The following ADPGK variants were observed in gnomAD, a reference collection of about 807,000 sequenced individuals.
ADPGK encodes ADP-dependent glucokinase.
ADPGK carries 26 observed loss-of-function variants against 42.4 expected under a neutral mutation model. That is an observed-to-expected ratio of 0.61 (90% CI 0.45 to 0.85). The LOEUF (loss-of-function observed/expected upper bound fraction) is 0.85. ADPGK is among the 40% of genes least tolerant of loss of function. The probability of loss-of-function intolerance (pLI) is 0.00; values close to 1 mark genes in which losing one functional copy is unlikely to be tolerated. For synonymous variants in ADPGK, 267 were observed against 252.6 expected (o/e 1.06, Z -0.54); for missense variants, 571 against 627.0 (o/e 0.91, Z 0.95).
Position 72,751,543 on chromosome 15 carries a change from A to G in ADPGK, c.*798T>C, listed in dbSNP as rs2066045726. The G allele has an allele frequency of 6.5e-6, 1 of 152,672 alleles. No individual in the cohort carries two copies. Among genetic ancestry groups the G allele is most frequent in the South Asian group, 2.1e-4 (1 of 4,836 alleles). The allele number at this position is 152,672 out of a possible 1,614,324, so 9.5% of individuals were successfully genotyped here. A position where few individuals can be genotyped will look rare whatever the true frequency, so the allele number is the denominator to read the frequency against. The stretch of plus-strand genomic sequence containing the variant: ...ATGATCTGTTAACACACACAGGAGC[A>G]TATTCCAGTTGTAAAAAACAAATTC... On this transcript the variant is annotated 3_prime_UTR_variant, in exon 7 of 7. Coordinates refer to ENST00000456471, the MANE Select transcript of ADPGK (RefSeq NM_001365225.1).
At chr15:72,760,599 G>A (rs1384095569) in intron 3 of ADPGK, 72 bp from the exon 4 acceptor site, 4 of 1,483,562 alleles carry the variant, frequency 2.7e-6, no homozygotes, top group Non-Finnish European at 3.6e-6. Flanking sequence ...AGCACCCCAG[G>A]ACAGTACATT....
In ADPGK at chr15:72,783,693, G is replaced by A. The variant is rs533535440; in HGVS notation, c.-2C>T. The A allele has an allele frequency of 6.3e-5, 93 of 1,475,206 alleles. No homozygotes were observed. Among genetic ancestry groups the A allele is most frequent in the African/African-American group, 5.3e-4 (36 of 68,104 alleles). The allele number at this position is 1,475,206 out of a possible 1,614,324, so 91.4% of individuals were successfully genotyped here. ...CGCGGAGCCGCGCCACAGCGCCATG[G>A]GGACCCAGGCGCCGCACCTGCGCGA... On this transcript the variant is annotated 5_prime_UTR_variant, in exon 1 of 7. Transcript: ENST00000456471.
chr15:72,778,783 A>G (rs1038319268), intron 1 of ADPGK, among the ~76,000 whole-genome samples: 1 of 152,190 alleles, frequency 6.6e-6, no homozygotes, highest in Non-Finnish European at 1.5e-5. Context: ...TTGTTAAGAC[A>G]TAGAACTGTA....
At chr15:72,766,188 G>A (rs990882405) in intron 3 of ADPGK, among the ~76,000 whole-genome samples, 2 of 151,922 alleles carry the variant, frequency 1.3e-5, no homozygotes, top group African/African-American at 2.4e-5. Flanking sequence ...ATGGGGTCTC[G>A]CTATGTTGCC....
intron 3 of ADPGK, among the ~76,000 whole-genome samples, chr15:72,770,223 A>AT (rs1311899429): frequency 1.3e-5 from 2 of 152,244 alleles, no homozygotes; most frequent in Non-Finnish European, 2.9e-5. Flanking sequence ...CTTTGAAATC[A>AT]TAAGACTGTT....
chr15:72,758,444 C>T (rs2066145413), intron 4 of ADPGK: 1 of 414,938 alleles, frequency 2.4e-6, no homozygotes, highest in Non-Finnish European at 4.5e-6. Context: ...AAAAAATGGA[C>T]AAATCCCTTG....
rs753835013 is a variant in ADPGK at position 72,752,379 on chromosome 15, C to T, written c.1456G>A (p.Glu486Lys). The T allele has an allele frequency of 7.4e-6, 12 of 1,614,010 alleles. No individual in the cohort carries two copies. Among genetic ancestry groups the T allele is most frequent in the African/African-American group, 1.3e-5 (1 of 74,940 alleles). ...TGTACTTCCGAATAGAAGAGTCCTTCGGCTGAAATGGCATCTCCAAGGCCT... is the reference window on the plus strand; with the variant it reads ...TGTACTTCCGAATAGAAGAGTCCTTTGGCTGAAATGGCATCTCCAAGGCCT... ...TVGLGDAISAEGLFYSEVHPH... is the reference protein window; with the variant it reads ...TVGLGDAISAKGLFYSEVHPH... Residue 486 changes from glutamate (E) to lysine (K), a missense_variant, in exon 7 of 7, where the codon GAA becomes AAA. This residue lies in a region of ADPGK where 434 missense variants were observed against 522.7 expected (regional missense o/e 0.83). Coordinates refer to ENST00000456471, the MANE Select transcript of ADPGK (RefSeq NM_001365225.1).
intron 4 of ADPGK, chr15:72,758,355 C>T (rs1011801991): frequency 2.0e-5 from 12 of 599,802 alleles, no homozygotes; most frequent in East Asian, 1.2e-4. Flanking sequence ...AAAACCTCTG[C>T]GTAGTGACTC....
At position 72,755,540 on chromosome 15, in the gene ADPGK, G is replaced by A. The variant is rs79189970; in HGVS notation, c.939+16C>T. 0.033 allele frequency: 53,199 copies of A among 1,593,886 alleles called. 1,030 individuals are homozygous for A. Among genetic ancestry groups the A allele is most frequent in the Non-Finnish European group, 0.038 (43,853 of 1,163,106 alleles). ...TCTATGAGGATCAGGGCCAAACGAT[G>A]GTCCCATGAGGTTACCTGATGGACA... On this transcript the variant is annotated intron_variant, in intron 6 of 6. Coordinates refer to ENST00000456471, the MANE Select transcript of ADPGK (RefSeq NM_001365225.1).
chr15:72,756,801 C>G (rs544558242), intron 4 of ADPGK: 1 of 282,868 alleles, frequency 3.5e-6, no homozygotes, highest in Non-Finnish European at 6.8e-6. Flanking sequence ...GTGTGCAGCA[C>G]GCACGCCCTG....
At chr15:72,771,976 A>C (rs1294778728) in intron 2 of ADPGK, 131 bp from the exon 3 acceptor site, 1 of 598,472 alleles carries the variant, frequency 1.7e-6, no homozygotes, top group Non-Finnish European at 2.7e-6. Flanking sequence ...TTTACATCAA[A>C]GGACACACAG....
intron 4 of ADPGK, chr15:72,756,698 C>G: frequency 2.0e-6 from 1 of 511,976 alleles, no homozygotes; most frequent in Non-Finnish European, 3.5e-6. Flanking sequence ...AGGTAATTAG[C>G]TCCCCCTGAG....
chr15:72,773,840 C>A (rs2066356829), intron 2 of ADPGK, among the ~76,000 whole-genome samples: 1 of 152,196 alleles, frequency 6.6e-6, no homozygotes, highest in Non-Finnish European at 1.5e-5. Flanking sequence ...TTCTAATGTT[C>A]AAATAGGCAG....
At chr15:72,773,262 T>C (rs1009159300) in intron 2 of ADPGK, among the ~76,000 whole-genome samples, 28 of 152,186 alleles carry the variant, frequency 1.8e-4, no homozygotes, top group African/African-American at 2.4e-5. Context: ...ATCACTCTTA[T>C]CCCAATTTTG....
chr15:72,756,381 T>C lies in ADPGK; in HGVS notation c.710A>G (p.Asn237Ser), dbSNP rs778341188. ...CACCTCCAGCATATTCATGGCCCCG[T>C]TGGAGAGGTCGTGAGAGAAGATGAA... ...NRFIFSHDLS[N>S]GAMNMLEVFV... is the part of the protein sequence containing the mutation. The change falls in exon 5 of 7, where the codon AAC (asparagine) becomes AGC (serine). Residue 237 changes from asparagine (N) to serine (S), a missense_variant. Coordinates refer to ENST00000456471, the MANE Select transcript of ADPGK (RefSeq NM_001365225.1). 7 of 1,614,176 alleles carry C rather than the reference T, an allele frequency of 4.3e-6. No homozygotes were observed. Among genetic ancestry groups the C allele is most frequent in the Non-Finnish European group, 5.9e-6 (7 of 1,180,028 alleles).
chr15:72,769,491 G>A (rs1298246415), intron 3 of ADPGK, among the ~76,000 whole-genome samples: 1 of 152,116 alleles, frequency 6.6e-6, no homozygotes, highest in Non-Finnish European at 1.5e-5. Flanking sequence ...GACTACAAGC[G>A]CCTGCCACCA....
chr15:72,762,881 G>A (rs2066212259), intron 3 of ADPGK, among the ~76,000 whole-genome samples: 1 of 152,132 alleles, frequency 6.6e-6, no homozygotes, highest in Non-Finnish European at 1.5e-5. Context: ...CTACTCAGGA[G>A]GCTGAGGCAG....
intron 2 of ADPGK, among the ~76,000 whole-genome samples, chr15:72,774,505 C>A (rs2066366010): frequency 6.6e-6 from 1 of 152,164 alleles, no homozygotes; most frequent in South Asian, 2.1e-4. Context: ...AACTTGGAAA[C>A]CACTAAGGTT....
In ADPGK at chr15:72,752,254, T is replaced by C; in HGVS notation, c.*87A>G. Reference sequence around the variant, plus strand: ...ATACAGTTTAATCTGCTTTTATTTCTTTGGCTGTCTTCCAAACCACTTTCT... The same window carrying C: ...ATACAGTTTAATCTGCTTTTATTTCCTTGGCTGTCTTCCAAACCACTTTCT... On this transcript the variant is annotated 3_prime_UTR_variant, in exon 7 of 7. Coordinates refer to ENST00000456471, the MANE Select transcript of ADPGK (RefSeq NM_001365225.1). 1 of 1,302,830 alleles carries C rather than the reference T, an allele frequency of 7.7e-7. No individual in the cohort carries two copies. The highest frequency in any genetic ancestry group is 1.5e-5 in the South Asian group (1 of 66,902). The allele number at this position is 1,302,830 out of a possible 1,614,324, so 80.7% of individuals were successfully genotyped here. A position where few individuals can be genotyped will look rare whatever the true frequency, so the allele number is the denominator to read the frequency against.
Sources: gnomAD v4.1 joint callset for allele counts (sites outside exome capture counted in the v4.1 genomes callset) on GRCh38, gnomAD v4.1.1 for gene constraint, gnomAD v4.1.1 regional missense constraint, MANE v1.5 for transcripts, NCBI Gene and HGNC (gene_info 2026-07-23, HGNC 2026-07-21) for gene names.